MYO9B: variants seen among roughly 807,000 people sequenced by gnomAD.
The protein encoded by MYO9B is unconventional myosin-IXb.
A neutral mutation model predicts 229.5 loss-of-function variants in MYO9B; 71 were observed. That is an observed-to-expected ratio of 0.31 (90% CI 0.26 to 0.38). The LOEUF is 0.38. MYO9B is among the 10% of genes least tolerant of loss of function. MYO9B has a pLI of 1.00. For missense variants in MYO9B, 2,255 were observed against 2,920.5 expected (o/e 0.77, Z 5.25); for synonymous variants, 1,185 against 1,235.8 (o/e 0.96, Z 0.86).
intron 1 of MYO9B, among the ~76,000 whole-genome samples, chr19:17,096,384 G>A (rs1344445186): frequency 6.6e-6 from 1 of 152,080 alleles, no homozygotes; most frequent in Non-Finnish European, 1.5e-5. Flanking sequence ...AAGCAGATGA[G>A]GGCCAGGCAC....
Position 17,206,617 on chromosome 19 carries a change from G to A in MYO9B, c.5387-62G>A, listed in dbSNP as rs1166621363. 8 of 1,432,826 alleles carry A rather than the reference G, an allele frequency of 5.6e-6. No individual in the cohort carries two copies. The Admixed American group carries it at 1.6e-4, about 28-fold the overall frequency. 88.8% of individuals were successfully genotyped at this position (1,432,826 alleles called of 1,614,324 possible). On this transcript the variant is annotated intron_variant, in intron 33 of 39. Coordinates refer to ENST00000682292, the MANE Select transcript of MYO9B (RefSeq NM_004145.4). ...CCTGTGCATCTCAGGTCGTGTTGGT[G>A]GGGACAACAGGCACCTTGGGGACCC...
chr19:17,148,132 A>G (rs998565008), intron 3 of MYO9B, among the ~76,000 whole-genome samples: 2 of 152,218 alleles, frequency 1.3e-5, no homozygotes, highest in East Asian at 1.9e-4. Flanking sequence ...TATCTGCCAC[A>G]TTGCAGAGAT....
chr19:17,076,814 C>T (rs1331237202), intron 1 of MYO9B, among the ~76,000 whole-genome samples: 1 of 152,182 alleles, frequency 6.6e-6, no homozygotes, highest in Admixed American at 6.5e-5. Flanking sequence ...TGCATGCACC[C>T]TCATGTACAG....
chr19:17,186,046 C>A, intron 18 of MYO9B, 45 bp downstream of exon 18: 1 of 1,559,676 alleles, frequency 6.4e-7, no homozygotes, highest in Non-Finnish European at 8.8e-7. Flanking sequence ...CCATGCCGGA[C>A]TCTTAGGGGT....
chr19:17,127,248 C>A (rs1437385947), intron 2 of MYO9B, among the ~76,000 whole-genome samples: 1 of 138,264 alleles, frequency 7.2e-6, no homozygotes, highest in Non-Finnish European at 1.6e-5. Flanking sequence ...TTGTGACCCA[C>A]CCCCCTCGGC....
intron 2 of MYO9B, among the ~76,000 whole-genome samples, chr19:17,125,684 C>T (rs566307208): frequency 2.0e-5 from 3 of 152,212 alleles, no homozygotes; most frequent in South Asian, 4.1e-4. Flanking sequence ...CAGTTGGTGT[C>T]TCTTGTGAAC....
chr19:17,148,568 T>C (rs1477706795), intron 3 of MYO9B, among the ~76,000 whole-genome samples: 1 of 152,150 alleles, frequency 6.6e-6, no homozygotes, highest in African/African-American at 2.4e-5. Flanking sequence ...TCAGGTGGCA[T>C]GTGTCTCTCC....
At position 17,210,793 on chromosome 19, in the gene MYO9B, G is replaced by T; in HGVS notation, c.5875G>T (p.Glu1959Ter). 1 of 1,592,026 alleles carries T rather than the reference G, an allele frequency of 6.3e-7. No homozygotes were observed. Among genetic ancestry groups the T allele is most frequent in the Non-Finnish European group, 8.5e-7 (1 of 1,169,834 alleles). ...LLEEEAAGGDEDREKEILIER... is the reference protein window; with the variant it reads ...LLEEEAAGGD ...GGAGGAGGAGGCAGCCGGCGGCGAT[G>T]AGGACCGGGAAAAGGAGATTCTCAT... The change falls in exon 38 of 40, where the codon GAG becomes TAG. Residue 1959 changes from glutamate to a stop codon, truncating the protein, a stop_gained. Coordinates refer to ENST00000682292, the MANE Select transcript of MYO9B (RefSeq NM_004145.4). LOFTEE classifies it high-confidence loss of function.
chr19:17,163,365 C>T (rs1335679993), intron 10 of MYO9B, among the ~76,000 whole-genome samples: 2 of 139,436 alleles, frequency 1.4e-5, no homozygotes, highest in Non-Finnish European at 3.0e-5. Flanking sequence ...GAACTCACCC[C>T]ATTCCACTTT....
intron 33 of MYO9B, 102 bp downstream of exon 33, chr19:17,206,478 A>G (rs959019821): frequency 4.7e-6 from 7 of 1,495,736 alleles, no homozygotes; most frequent in Non-Finnish European, 6.2e-6. Context: ...TCACAAACTG[A>G]GAAACTGAGG....
chr19:17,150,027 C>A (rs1568274624), intron 3 of MYO9B, among the ~76,000 whole-genome samples: 1 of 152,124 alleles, frequency 6.6e-6, no homozygotes, highest in Non-Finnish European at 1.5e-5. Flanking sequence ...ACATTTTTTT[C>A]TCCTATTTGA....
intron 2 of MYO9B, among the ~76,000 whole-genome samples, chr19:17,128,794 G>A (rs2072157274): frequency 6.6e-6 from 1 of 152,254 alleles, no homozygotes; most frequent in South Asian, 2.1e-4. Context: ...CAAGCTGGCT[G>A]CCAGGCCCTG....
chr19:17,091,362 A>T (rs921804478), intron 1 of MYO9B, among the ~76,000 whole-genome samples: 29 of 152,122 alleles, frequency 1.9e-4, no homozygotes, highest in African/African-American at 6.3e-4. Flanking sequence ...AGTAGCTGGG[A>T]TTATAGATGT....
At position 17,169,603 on chromosome 19, in the gene MYO9B, G is replaced by T. The variant is rs549118891; in HGVS notation, c.1793+1539G>T. ...TCTCTTATGGTTCTGGAAGCTGGAA[G>T]TCTAAAGTCAAACTGTCAGCAGAGC... On this transcript the variant is annotated intron_variant, in intron 11 of 39. Coordinates refer to ENST00000682292, the MANE Select transcript of MYO9B (RefSeq NM_004145.4). Among the ~76,000 whole-genome samples, 41 of 152,108 alleles carry T rather than the reference G, an allele frequency of 2.7e-4. No homozygotes were observed. The Middle Eastern group carries it at 0.014, about 50-fold the overall frequency.
chr19:17,145,262 C>T (rs995047627), intron 2 of MYO9B, 135 bp from the exon 3 acceptor site: 4 of 843,652 alleles, frequency 4.7e-6, no homozygotes, highest in Non-Finnish European at 7.2e-6. Flanking sequence ...GGTGACAGAA[C>T]AAGACTGTCT....
chr19:17,136,802 A>G (rs1249637519), intron 2 of MYO9B, among the ~76,000 whole-genome samples: 1 of 152,100 alleles, frequency 6.6e-6, no homozygotes, highest in Non-Finnish European at 1.5e-5. Context: ...TCAAAGTTCA[A>G]CAGGTCAGAC....
At chr19:17,188,554 C>G (rs2072945592) in intron 19 of MYO9B, among the ~76,000 whole-genome samples, 1 of 152,098 alleles carries the variant, frequency 6.6e-6, no homozygotes, top group South Asian at 2.1e-4. Context: ...CCTTCATAGC[C>G]CCAGGGACTA....
chr19:17,092,151 G>A (rs2057644174), intron 1 of MYO9B, among the ~76,000 whole-genome samples: 1 of 152,226 alleles, frequency 6.6e-6, no homozygotes. Context: ...CCCATCCTTG[G>A]GTTCTCCTGG....
At chr19:17,152,253 A>G (rs1306857961) in intron 3 of MYO9B, among the ~76,000 whole-genome samples, 1 of 151,686 alleles carries the variant, frequency 6.6e-6, no homozygotes, top group Non-Finnish European at 1.5e-5. Flanking sequence ...AATAAAAAAG[A>G]CAGTGAATAA....
Sources: gnomAD v4.1 joint callset for allele counts (sites outside exome capture counted in the v4.1 genomes callset) on GRCh38, gnomAD v4.1.1 for gene constraint, MANE v1.5 for transcripts, NCBI Gene and HGNC (gene_info 2026-07-23, HGNC 2026-07-21) for gene names.